The following FMN1 variants were observed in gnomAD, a reference collection of about 807,000 sequenced individuals.
FMN1 encodes formin 1, also known as formin-1.
Under a neutral mutation model 132.4 loss-of-function variants are expected in FMN1, and 110 were observed. That is an observed-to-expected ratio of 0.83 (90% CI 0.71 to 0.97). FMN1 has a LOEUF of 0.97. Ranked by LOEUF, FMN1 falls within the 50% of genes least tolerant of loss-of-function variation. The pLI is 0.00. For synonymous variants in FMN1, 722 were observed against 651.7 expected, an observed-to-expected ratio of 1.11 and a Z score of -1.64; for missense variants, 1,792 against 1,705.3, an observed-to-expected ratio of 1.05 and a Z score of -0.90.
intron 7 of FMN1, among the ~76,000 whole-genome samples, chr15:32,977,211 G>C (rs1361467392): frequency 6.6e-6 from 1 of 152,150 alleles, no homozygotes. Flanking sequence ...CTGTTTTCCA[G>C]ATGAAGAAAG....
At chr15:33,076,000 G>T (rs1439774384) in intron 5 of FMN1, among the ~76,000 whole-genome samples, 3 of 152,162 alleles carry the variant, frequency 2.0e-5, no homozygotes, top group Non-Finnish European at 4.4e-5. Context: ...CTAAGACTGG[G>T]TTGTTCCACC....
chr15:33,130,354 C>T (rs941375698), intron 4 of FMN1, among the ~76,000 whole-genome samples: 2 of 152,114 alleles, frequency 1.3e-5, no homozygotes, highest in South Asian at 4.1e-4. Flanking sequence ...AATATATAGA[C>T]AATTTTTCAA....
At chr15:33,128,436 A>G (rs16965365) in intron 4 of FMN1, among the ~76,000 whole-genome samples, 10 of 152,138 alleles carry the variant, frequency 6.6e-5, no homozygotes, top group African/African-American at 2.2e-4. Context: ...CTACCTCCTA[A>G]AAGAATTTTT....
Position 32,768,289 on chromosome 15 carries a change from C to T in FMN1, c.*6021G>A, listed in dbSNP as rs548275454. 20 of 152,218 alleles carry T rather than the reference C, an allele frequency of 1.3e-4. No homozygotes were observed. The highest frequency in any genetic ancestry group is 7.7e-4 in the East Asian group (4 of 5,186). 9.4% of individuals were successfully genotyped at this position (152,218 alleles called of 1,614,324 possible). ...GGGAAAGACAGATCTGGAAAGCGAACCCAGTTAACAGTCAAAAACACATTC... is the reference window on the plus strand; with the variant it reads ...GGGAAAGACAGATCTGGAAAGCGAATCCAGTTAACAGTCAAAAACACATTC... On this transcript the variant is annotated 3_prime_UTR_variant, in exon 21 of 21. Coordinates refer to ENST00000616417, the MANE Select transcript of FMN1 (RefSeq NM_001277313.2).
Position 32,771,022 on chromosome 15 carries a change from C to A in FMN1, c.*3288G>T, listed in dbSNP as rs575549846. ...TTTCTTTTTCCCCAGTAAGCTGCCA[C>A]TTATTGAGATAAAAGCCATACAGCA... On this transcript the variant is annotated 3_prime_UTR_variant, in exon 21 of 21. Transcript: ENST00000616417. 37 of 151,760 alleles carry A rather than the reference C, an allele frequency of 2.4e-4. No individual in the cohort carries two copies. Among genetic ancestry groups the A allele is most frequent in the African/African-American group, 8.2e-4 (34 of 41,362 alleles). The allele number at this position is 151,760 out of a possible 1,614,324, so 9.4% of individuals were successfully genotyped here.
chr15:32,940,513 GTAACT>G (rs1195320817), intron 9 of FMN1, among the ~76,000 whole-genome samples: 2 of 151,804 alleles, frequency 1.3e-5, no homozygotes, highest in East Asian at 3.9e-4. Flanking sequence ...CATAAGATCA[GTAACT>G]TAAAAGAGTT....
At chr15:32,910,250 C>T (rs1321134718) in intron 11 of FMN1, among the ~76,000 whole-genome samples, 2 of 152,206 alleles carry the variant, frequency 1.3e-5, no homozygotes, top group African/African-American at 4.8e-5. Flanking sequence ...CTGAGATGCC[C>T]TGCCTTGCAA....
intron 12 of FMN1, chr15:32,908,253 G>T: frequency 2.3e-6 from 1 of 430,476 alleles, no homozygotes; most frequent in East Asian, 3.7e-5. Context: ...GAAAAAGAAA[G>T]GGGAGTCTCT....
At chr15:32,951,061 T>C (rs905645971) in intron 9 of FMN1, among the ~76,000 whole-genome samples, 7 of 152,168 alleles carry the variant, frequency 4.6e-5, no homozygotes, top group African/African-American at 1.7e-4. Context: ...TCAAGTACTG[T>C]ATGAAAGTTA....
intron 5 of FMN1, among the ~76,000 whole-genome samples, chr15:33,077,406 G>C (rs71462846): frequency 0.017 from 2,543 of 148,306 alleles, 37 homozygotes; most frequent in Middle Eastern, 0.024. Context: ...GGGAACATGT[G>C]CACAACATGC....
chr15:33,007,933 A>T, intron 7 of FMN1, 81 bp downstream of exon 7: 2 of 1,215,550 alleles, frequency 1.6e-6, no homozygotes, highest in African/African-American at 1.5e-5. Context: ...ACTTCAACTT[A>T]AGAGGAATAT....
chr15:32,828,607 C>G (rs1396715600), intron 17 of FMN1, among the ~76,000 whole-genome samples: 1 of 151,982 alleles, frequency 6.6e-6, no homozygotes, highest in East Asian at 1.9e-4. Flanking sequence ...ATCTACTGCA[C>G]TCTGCAGAGG....
intron 3 of FMN1, among the ~76,000 whole-genome samples, chr15:33,175,487 A>G (rs1440691213): frequency 1.3e-5 from 2 of 152,098 alleles, no homozygotes; most frequent in African/African-American, 2.4e-5. Context: ...TTTACCATCT[A>G]TTTTCTTCTT....
At chr15:33,111,394 C>G (rs2039698711) in intron 4 of FMN1, among the ~76,000 whole-genome samples, 1 of 152,070 alleles carries the variant, frequency 6.6e-6, no homozygotes, top group South Asian at 2.1e-4. Context: ...TAAAATGGTA[C>G]AGCAGCTCCA....
chr15:32,791,660 T>C (rs561976383), intron 19 of FMN1, among the ~76,000 whole-genome samples: 1 of 152,184 alleles, frequency 6.6e-6, no homozygotes, highest in South Asian at 2.1e-4. Context: ...ACACCTCAAA[T>C]ACAGGGTAAA....
At chr15:33,020,905 C>A (rs535502073) in intron 6 of FMN1, among the ~76,000 whole-genome samples, 46 of 152,204 alleles carry the variant, frequency 3.0e-4, no homozygotes, top group African/African-American at 1.1e-3. Flanking sequence ...TTAATGTGAA[C>A]GACTGGAACT....
At chr15:32,946,160 TG>T (rs942439121) in intron 9 of FMN1, among the ~76,000 whole-genome samples, 3 of 152,228 alleles carry the variant, frequency 2.0e-5, no homozygotes, top group African/African-American at 7.2e-5. Context: ...GGGTTTGCGG[TG>T]TTATGTCCCA....
At chr15:32,870,611 C>T (rs1271140306) in intron 16 of FMN1, among the ~76,000 whole-genome samples, 5 of 152,198 alleles carry the variant, frequency 3.3e-5, no homozygotes, top group Non-Finnish European at 5.9e-5. Flanking sequence ...GCCTACCAAA[C>T]GTCACAGCTG....
intron 8 of FMN1, among the ~76,000 whole-genome samples, chr15:32,965,662 C>A (rs1198912424): frequency 6.6e-6 from 1 of 152,152 alleles, no homozygotes; most frequent in Non-Finnish European, 1.5e-5. Context: ...TCACACTTTG[C>A]AATAGATCTG....
Sources: allele counts gnomAD v4.1 joint callset (sites outside exome capture counted in the v4.1 genomes callset), GRCh38; gene constraint gnomAD v4.1.1; transcripts MANE v1.5; gene names NCBI Gene and HGNC (gene_info 2026-07-23, HGNC 2026-07-21).